Variants in DHDH observed in about 807,000 individuals in gnomAD.
The protein encoded by DHDH is trans-1,2-dihydrobenzene-1,2-diol dehydrogenase.
Under a neutral mutation model 33.2 loss-of-function variants are expected in DHDH, and 29 were observed. That is an observed-to-expected ratio of 0.87 (90% confidence interval 0.65 to 1.19). DHDH has a LOEUF of 1.19. Ranked by LOEUF, DHDH falls within the 50% of genes most tolerant of loss-of-function variation. The pLI, the probability that DHDH is intolerant of heterozygous loss-of-function variation, is 0.00. For synonymous variants in DHDH, 201 were observed against 187.9 expected (o/e 1.07, Z -0.57); for missense variants, 431 against 455.0 (o/e 0.95, Z 0.48).
chr19:48,936,049 A>T lies in DHDH; in HGVS notation c.220A>T (p.Thr74Ser), dbSNP rs1568595280. ...CACCCTAGAGGTGGCCTACATTGGC[A>T]CCCAGCACCCCCAGCACAAGGCGGC... is the stretch of plus-strand genomic sequence containing the variant. ...DPSVEVAYIG[T>S]QHPQHKAAVM... is the part of the protein sequence containing the mutation. The change falls in exon 3 of 7, where the codon ACC (threonine) becomes TCC (serine). Residue 74 changes from threonine (T) to serine (S), a missense_variant. Transcript: ENST00000221403. 1 of 1,604,568 alleles carries T rather than the reference A, an allele frequency of 6.2e-7. No individual in the cohort carries two copies. Among genetic ancestry groups the T allele is most frequent in the South Asian group, 1.1e-5 (1 of 89,212 alleles).
At chr19:48,937,348 G>A (rs1555793640) in intron 3 of DHDH, among the ~76,000 whole-genome samples, 1 of 152,098 alleles carries the variant, frequency 6.6e-6, no homozygotes, top group Non-Finnish European at 1.5e-5. Context: ...CTTCCCCCGT[G>A]AGCCCTGACA....
Position 48,942,564 on chromosome 19 carries a change from G to A in DHDH, c.744G>A (p.Gln248=), listed in dbSNP as rs758517580. The change falls in exon 5 of 7, where the codon CAG becomes CAA. Residue 248 remains glutamine, a splice_region_variant and synonymous_variant. Transcript: ENST00000221403. The stretch of plus-strand genomic sequence containing the variant: ...TGAGCGGCACCAAGGGCATGGTACA[G>A]GTGAGGCATGGCGGGCCCAAGCGCT... ...ASVSGTKGMV[Q]LLNPCWCPTE... is the part of the protein sequence containing the mutation. 6.2e-7 allele frequency: 1 copy of A among 1,611,310 alleles called. No homozygotes were observed. Among genetic ancestry groups the A allele is most frequent in the Non-Finnish European group, 8.5e-7 (1 of 1,178,188 alleles).
chr19:48,939,757 A>G (rs2037832506), intron 4 of DHDH, 56 bp downstream of exon 4: 5 of 1,522,792 alleles, frequency 3.3e-6, no homozygotes, highest in African/African-American at 1.4e-5. Context: ...TCTCTCTGGG[A>G]GCACTGAACT....
rs534543508 is a variant in DHDH at position 48,937,303 on chromosome 19, C to T, written c.366+1108C>T. ...ACGCTCCTCTCGACTGCTCCGAGCC[C>T]GGGCGGACCTCGGCCACATCCGTCC... On this transcript the variant is annotated intron_variant, in intron 3 of 6. Coordinates refer to ENST00000221403, the MANE Select transcript of DHDH (RefSeq NM_014475.4). 3.3e-5 allele frequency among the ~76,000 whole-genome samples: 5 copies of T among 152,290 alleles called. No homozygotes were observed. The South Asian group carries it at 1.0e-3, about 32-fold the overall frequency.
At chr19:48,936,359 G>A (rs1286492842) in intron 3 of DHDH, among the ~76,000 whole-genome samples, 164 bp downstream of exon 3, 1 of 152,132 alleles carries the variant, frequency 6.6e-6, no homozygotes, top group East Asian at 1.9e-4. Context: ...TAGCAAACAC[G>A]GCAAGGCTTA....
At position 48,936,017 on chromosome 19, in the gene DHDH, C is replaced by T. The variant is rs1440244053; in HGVS notation, c.203-15C>T. 4 of 1,586,134 alleles carry T rather than the reference C, an allele frequency of 2.5e-6. No homozygotes were observed. Among genetic ancestry groups the T allele is most frequent in the African/African-American group, 1.3e-5 (1 of 74,436 alleles). On this transcript the variant is annotated splice_polypyrimidine_tract_variant and intron_variant, in intron 2 of 6. Coordinates refer to ENST00000221403, the MANE Select transcript of DHDH (RefSeq NM_014475.4). ...TGGGCGGGGCTGCTGACCTCTTGAC[C>T]TACTCCCACCCTAGAGGTGGCCTAC...
intron 5 of DHDH, among the ~76,000 whole-genome samples, chr19:48,943,828 CA>C (rs556702043): frequency 0.017 from 1,730 of 100,342 alleles, 14 homozygotes; most frequent in African/African-American, 0.042. Context: ...CTCCGTCTCA[CA>C]AAAAAAAAAA....
intron 2 of DHDH, among the ~76,000 whole-genome samples, chr19:48,935,680 G>C (rs1374448521): frequency 6.6e-6 from 1 of 151,718 alleles, no homozygotes; most frequent in Non-Finnish European, 1.5e-5. Flanking sequence ...AGCCGGGCAT[G>C]GTGGCGGGCG....
intron 3 of DHDH, among the ~76,000 whole-genome samples, chr19:48,938,653 T>C (rs1427421765): frequency 6.6e-6 from 1 of 151,538 alleles, no homozygotes; most frequent in Non-Finnish European, 1.5e-5. Context: ...TCATTTTTTT[T>C]TTTTTTTTTG....
chr19:48,944,783 C>T (rs761856571), intron 6 of DHDH, 41 bp from the exon 7 acceptor site: 14 of 1,552,388 alleles, frequency 9.0e-6, no homozygotes, highest in Non-Finnish European at 1.2e-5. Context: ...GGGTCTTGGG[C>T]GCGTGGGTAG....
At position 48,939,675 on chromosome 19, in the gene DHDH, C is replaced by A; in HGVS notation, c.593C>A (p.Ser198Tyr). ...GGAGGGCAGAAGCCAGAGAAGATTT[C>A]TGTCGTGGGAAGGCGTCATGAAACA... ...VFGGQKPEKI[S>Y]VVGRRHETGV... Residue 198 changes from serine (S) to tyrosine (Y), a missense_variant, in exon 4 of 7, where the codon TCT (serine) becomes TAT (tyrosine). Ser to Tyr is a moderately radical substitution (Grantham distance 144, BLOSUM62 -2). Transcript: ENST00000221403. The A allele has an allele frequency of 1.9e-6, 3 of 1,605,292 alleles. No homozygotes were observed. In the South Asian group the frequency reaches 3.3e-5, roughly 18 times the overall value.
chr19:48,938,408 G>T (rs182649941), intron 3 of DHDH, among the ~76,000 whole-genome samples: 1 of 152,044 alleles, frequency 6.6e-6, no homozygotes, highest in Admixed American at 6.6e-5. Context: ...CCAGTTCCAG[G>T]AGTTTTTTTT....
chr19:48,935,499 C>A (rs1399247814), intron 2 of DHDH, among the ~76,000 whole-genome samples: 1 of 151,696 alleles, frequency 6.6e-6, no homozygotes, highest in Non-Finnish European at 1.5e-5. Flanking sequence ...CCAGCCTGGG[C>A]GACAGAGTGA....
chr19:48,936,702 GA>G (rs200646647), intron 3 of DHDH, among the ~76,000 whole-genome samples: 1,486 of 88,996 alleles, frequency 0.017, 40 homozygotes, highest in Admixed American at 0.1. Flanking sequence ...TCTCAAACAA[GA>G]AAAAAAACAA....
chr19:48,941,784 C>A (rs2122274803), intron 4 of DHDH, among the ~76,000 whole-genome samples: 1 of 151,790 alleles, frequency 6.6e-6, no homozygotes, highest in Non-Finnish European at 1.5e-5. Flanking sequence ...AGGGATCCTC[C>A]ACCTCAGCCT....
chr19:48,942,703 G>A, intron 5 of DHDH, 139 bp downstream of exon 5: 1 of 1,392,996 alleles, frequency 7.2e-7, no homozygotes, highest in South Asian at 1.5e-5. Context: ...CAAGCCAAGA[G>A]GTGGGTTCTG....
chr19:48,940,254 C>T (rs533586832), intron 4 of DHDH, among the ~76,000 whole-genome samples: 1 of 151,892 alleles, frequency 6.6e-6, no homozygotes, highest in South Asian at 2.1e-4. Context: ...ATCTGGGAGG[C>T]TGAGGCAGGA....
In DHDH at chr19:48,937,283, C is replaced by G. The variant is rs548777678; in HGVS notation, c.366+1088C>G. 3.7e-4 allele frequency among the ~76,000 whole-genome samples: 56 copies of G among 152,286 alleles called. 1 individual carries two copies. Among genetic ancestry groups the G allele is most frequent in the African/African-American group, 1.2e-3 (50 of 41,570 alleles). On this transcript the variant is annotated intron_variant, in intron 3 of 6. Coordinates refer to ENST00000221403, the MANE Select transcript of DHDH (RefSeq NM_014475.4). ...GTGCCCTCAGGCCTGTGTTCACGCT[C>G]CTCTCGACTGCTCCGAGCCCGGGCG...
In DHDH at chr19:48,944,676, C is replaced by CA. The variant is rs761833693; in HGVS notation, c.896-141dup. On this transcript the variant is annotated intron_variant, in intron 6 of 6. Coordinates refer to ENST00000221403, the MANE Select transcript of DHDH (RefSeq NM_014475.4). The stretch of plus-strand genomic sequence containing the variant: ...GGGCAACGGAACAAGACTCTCACTC[C>CA]AAAAAAAGAACTATATCTCTCAGGA... 5.4e-4 allele frequency: 646 copies of CA among 1,195,324 alleles called. 1 individual carries two copies. Among genetic ancestry groups the CA allele is most frequent in the Non-Finnish European group, 7.0e-4 (597 of 848,134 alleles). The allele number at this position is 1,195,324 out of a possible 1,614,324, so 74.0% of individuals were successfully genotyped here.
Sources: gnomAD v4.1 joint callset for allele counts (sites outside exome capture counted in the v4.1 genomes callset) on GRCh38, gnomAD v4.1.1 for gene constraint, MANE v1.5 for transcripts, NCBI Gene and HGNC (gene_info 2026-07-23, HGNC 2026-07-21) for gene names.